The following LINGO2 variants were observed in gnomAD, a reference collection of about 807,000 sequenced individuals.
LINGO2 encodes leucine-rich repeat and immunoglobulin-like domain-containing nogo receptor-interacting protein 2.
LINGO2 carries 14 observed loss-of-function variants against 30.6 expected under a neutral mutation model. The observed-to-expected ratio is 0.46, with a 90% confidence interval of 0.30 to 0.72. The LOEUF (loss-of-function observed/expected upper bound fraction) is 0.72. LINGO2 is among the 30% of genes least tolerant of loss of function. The pLI is 0.07. For synonymous variants in LINGO2, 317 were observed against 288.5 expected, an observed-to-expected ratio of 1.10 and a Z score of -1.00; for missense variants, 729 against 751.7, an observed-to-expected ratio of 0.97 and a Z score of 0.35.
chr9:29,061,296 T>G, the LINGO2 span, among the ~76,000 whole-genome samples: 1 of 151,812 alleles, frequency 6.6e-6, no homozygotes, highest in Non-Finnish European at 1.5e-5. Flanking sequence ...TTCAATACAA[T>G]CCCTATCAAA....
At chr9:28,083,707 G>T (rs116093877) in intron 4 of LINGO2, among the ~76,000 whole-genome samples, 197 of 152,186 alleles carry the variant, frequency 1.3e-3, no homozygotes, top group African/African-American at 4.5e-3. Context: ...TTTTGTTACC[G>T]ATGCCACATT....
chr9:29,129,325 A>G, the LINGO2 span, among the ~76,000 whole-genome samples: 2 of 152,172 alleles, frequency 1.3e-5, no homozygotes, highest in African/African-American at 2.4e-5. Context: ...ATCTAGATAA[A>G]CTGTTAAAAT....
the LINGO2 span, among the ~76,000 whole-genome samples, chr9:28,931,102 G>T: frequency 1.6e-3 from 237 of 152,140 alleles, 3 homozygotes; most frequent in Admixed American, 5.2e-3. Context: ...GATTAAACTT[G>T]CCGTGGCAAA....
the LINGO2 span, among the ~76,000 whole-genome samples, chr9:28,721,878 G>A: frequency 6.6e-6 from 1 of 151,424 alleles, no homozygotes; most frequent in African/African-American, 2.4e-5. Flanking sequence ...GTCTAGCTTT[G>A]GGCTCTTGTT....
intron 3 of LINGO2, among the ~76,000 whole-genome samples, chr9:28,350,121 A>C (rs879424605): frequency 1.1e-4 from 17 of 150,328 alleles, no homozygotes; most frequent in Non-Finnish European, 1.9e-4. Flanking sequence ...CTAACATCAT[A>C]ATGACAGGAT....
At chr9:28,681,836 A>T in the LINGO2 span, among the ~76,000 whole-genome samples, 5 of 152,196 alleles carry the variant, frequency 3.3e-5, no homozygotes, top group African/African-American at 1.2e-4. Context: ...AATAGGAAGT[A>T]GAATACAGAC....
chr9:28,501,143 A>T (rs1819866028), intron 1 of LINGO2, among the ~76,000 whole-genome samples: 1 of 152,192 alleles, frequency 6.6e-6, no homozygotes, highest in African/African-American at 2.4e-5. Flanking sequence ...TTCATGCAAC[A>T]GTGTTGAACA....
chr9:28,246,025 A>T (rs2133991949), intron 4 of LINGO2, among the ~76,000 whole-genome samples: 1 of 152,316 alleles, frequency 6.6e-6, no homozygotes, highest in African/African-American at 2.4e-5. Context: ...TGGAGGCATC[A>T]TGCTACCTGA....
chr9:29,130,227 T>C, the LINGO2 span, among the ~76,000 whole-genome samples: 1 of 152,178 alleles, frequency 6.6e-6, no homozygotes, highest in South Asian at 2.1e-4. Context: ...ACACTTTTAC[T>C]GGTTAAGCTG....
At chr9:28,447,812 C>T (rs537513032) in intron 2 of LINGO2, among the ~76,000 whole-genome samples, 2 of 152,138 alleles carry the variant, frequency 1.3e-5, no homozygotes, top group African/African-American at 4.8e-5. Context: ...TATAGGAACT[C>T]ATCTCTTTTT....
chr9:28,958,165 A>G, the LINGO2 span, among the ~76,000 whole-genome samples: 96,947 of 151,892 alleles, frequency 0.64, 31,895 homozygotes, highest in Non-Finnish European at 0.72. Context: ...GTCATAGACT[A>G]TCTGAATATT....
chr9:28,331,095 T>C (rs1449128061), intron 3 of LINGO2, among the ~76,000 whole-genome samples: 2 of 151,978 alleles, frequency 1.3e-5, no homozygotes, highest in Non-Finnish European at 2.9e-5. Flanking sequence ...AATTTCATAA[T>C]AATTTTAAAA....
intron 1 of LINGO2, among the ~76,000 whole-genome samples, chr9:28,544,368 A>G (rs1245479118): frequency 6.6e-6 from 1 of 152,126 alleles, no homozygotes; most frequent in Non-Finnish European, 1.5e-5. Flanking sequence ...TAATGCAGTG[A>G]CAGCTCTCTT....
intron 4 of LINGO2, among the ~76,000 whole-genome samples, chr9:28,271,676 G>A (rs1041661020): frequency 2.6e-5 from 4 of 152,246 alleles, no homozygotes; most frequent in African/African-American, 9.6e-5. Context: ...CCAAGGAAAA[G>A]CCTTCATGTG....
intron 5 of LINGO2, among the ~76,000 whole-genome samples, chr9:27,993,287 G>T (rs1226260070): frequency 1.3e-5 from 2 of 152,066 alleles, no homozygotes; most frequent in African/African-American, 4.8e-5. Context: ...GTAATATTTT[G>T]AACTTGGATT....
At chr9:27,984,790 TA>T (rs552300252) in intron 5 of LINGO2, among the ~76,000 whole-genome samples, 1 of 151,850 alleles carries the variant, frequency 6.6e-6, no homozygotes, top group East Asian at 1.9e-4. Context: ...CATCTGTTTC[TA>T]AAAAAATCTT....
the LINGO2 span, among the ~76,000 whole-genome samples, chr9:28,993,333 G>C: frequency 2.0e-5 from 3 of 152,124 alleles, no homozygotes; most frequent in African/African-American, 7.2e-5. Context: ...TTGAATCTCT[G>C]AATAGACCAA....
intron 1 of LINGO2, among the ~76,000 whole-genome samples, chr9:28,522,023 C>T (rs1351418260): frequency 2.6e-5 from 4 of 152,182 alleles, no homozygotes; most frequent in Non-Finnish European, 4.4e-5. Context: ...TTCCAGCCTT[C>T]AGAACTGTGA....
the LINGO2 span, among the ~76,000 whole-genome samples, chr9:29,184,103 T>C: frequency 9.8e-4 from 149 of 152,284 alleles, no homozygotes; most frequent in African/African-American, 3.6e-3. Flanking sequence ...TGGACAAGTA[T>C]ATACTTTCAT....
Sources: allele counts gnomAD v4.1 joint callset (sites outside exome capture counted in the v4.1 genomes callset), GRCh38; gene constraint gnomAD v4.1.1; transcripts MANE v1.5; gene names NCBI Gene and HGNC (gene_info 2026-07-23, HGNC 2026-07-21).